Variants in KLHL20 observed in about 807,000 individuals in gnomAD.
KLHL20 encodes the protein kelch like family member 20.
KLHL20 carries 29 observed loss-of-function variants against 69.5 expected under a neutral mutation model. The ratio of observed to expected loss-of-function variants is 0.42; its 90% confidence interval spans 0.31 to 0.57. KLHL20 has a LOEUF of 0.57. Ranked by LOEUF, KLHL20 falls within the 20% of genes least tolerant of loss-of-function variation. The pLI, the probability that KLHL20 is intolerant of heterozygous loss-of-function variation, is 0.18. For missense variants in KLHL20, 419 were observed against 776.0 expected (o/e 0.54, Z 5.47); for synonymous variants, 253 against 265.2 (o/e 0.95, Z 0.45).
At chr1:173,715,707 G>A in intron 1 of KLHL20, 1 of 276,104 alleles carries the variant, frequency 3.6e-6, no homozygotes, top group Non-Finnish European at 6.9e-6. Flanking sequence ...ACTTGATGTC[G>A]AGATCACAGT....
intron 7 of KLHL20, among the ~76,000 whole-genome samples, chr1:173,759,735 C>T (rs184246918): frequency 6.6e-5 from 10 of 152,246 alleles, no homozygotes; most frequent in Middle Eastern, 6.8e-3. Context: ...AGCCTTCATC[C>T]CTAGACCTTC....
In KLHL20 at chr1:173,783,556, G is replaced by A. The variant is rs557686450; in HGVS notation, c.1745+1326G>A. Among the ~76,000 whole-genome samples, 3 of 152,196 alleles carry A rather than the reference G, an allele frequency of 2.0e-5. No individual in the cohort carries two copies. In the East Asian group the frequency reaches 5.8e-4, roughly 29 times the overall value. ...TTTGCTCCTACATCACATTTTTACA[G>A]TCCTGTTCATTAAGTAAAGATTTAT... On this transcript the variant is annotated intron_variant, in intron 11 of 11. Transcript: ENST00000209884.
intron 9 of KLHL20, 123 bp from the exon 10 acceptor site, chr1:173,775,511 A>G: frequency 1.3e-6 from 1 of 794,486 alleles, no homozygotes; most frequent in Non-Finnish European, 2.0e-6. Context: ...TCCTTCTCAG[A>G]AGCAAAAATC....
At chr1:173,724,940 T>G (rs778250933) in intron 2 of KLHL20, among the ~76,000 whole-genome samples, 33 of 152,228 alleles carry the variant, frequency 2.2e-4, no homozygotes, top group Non-Finnish European at 5.9e-5. Context: ...TAATTTCAGC[T>G]AGAAAAGTGA....
rs916362854 is a variant in KLHL20, at chr1:173,753,218, G to A, written c.762G>A (p.Leu254=). The A allele has an allele frequency of 3.7e-6, 6 of 1,612,958 alleles. No individual in the cohort carries two copies. The highest frequency in any genetic ancestry group is 5.1e-6 in the Non-Finnish European group (6 of 1,179,064). ...QERRPQLPQV[L]QHVRLPLLSP... is the part of the protein sequence containing the mutation. ...TGGTGTTTATTTTCTCATAGGTGCT[G>A]CAGCATGTTCGTTTGCCTTTGCTTA... The change falls in exon 5 of 12, where the codon CTG becomes CTA. Residue 254 remains leucine (L), a synonymous_variant. Coordinates refer to ENST00000209884, the MANE Select transcript of KLHL20 (RefSeq NM_014458.4).
chr1:173,784,268 T>C (rs1649067041), intron 11 of KLHL20, among the ~76,000 whole-genome samples: 1 of 152,160 alleles, frequency 6.6e-6, no homozygotes, highest in African/African-American at 2.4e-5. Flanking sequence ...ATTGGAAAGG[T>C]AGCATTTTAG....
chr1:173,777,408 C>CTTTT (rs1404002722), intron 10 of KLHL20, among the ~76,000 whole-genome samples: 1 of 152,076 alleles, frequency 6.6e-6, no homozygotes, highest in Non-Finnish European at 1.5e-5. Flanking sequence ...TTCTTTCTTT[C>CTTTT]TTTTGTCCCA....
rs541756498 is a variant in KLHL20 at position 173,782,058 on chromosome 1, A to G, written c.1639-66A>G. On this transcript the variant is annotated intron_variant, in intron 10 of 11. Transcript: ENST00000209884. ...CTTTTGTAAATAGATTTATCTAGAAACCAGTCTATAATTTCCTTACGATTG... is the reference window on the plus strand; with the variant it reads ...CTTTTGTAAATAGATTTATCTAGAAGCCAGTCTATAATTTCCTTACGATTG... The G allele has an allele frequency of 4.2e-5, 45 of 1,080,732 alleles. No individual in the cohort carries two copies. In the African/African-American group the frequency reaches 5.8e-4, roughly 14 times the overall value. 66.9% of individuals were successfully genotyped at this position (1,080,732 alleles called of 1,614,324 possible). A position where few individuals can be genotyped will look rare whatever the true frequency, so the allele number is the denominator to read the frequency against.
chr1:173,735,262 A>G (rs1351674495), intron 3 of KLHL20, among the ~76,000 whole-genome samples: 4 of 152,160 alleles, frequency 2.6e-5, no homozygotes, highest in Non-Finnish European at 5.9e-5. Context: ...CCTGGGCAAC[A>G]TGGCGAAACC....
intron 2 of KLHL20, among the ~76,000 whole-genome samples, chr1:173,723,821 T>C (rs1671822515): frequency 6.6e-6 from 1 of 152,144 alleles, no homozygotes; most frequent in Non-Finnish European, 1.5e-5. Flanking sequence ...AATATAACGA[T>C]CTGGAGCATG....
At position 173,757,019 on chromosome 1, in the gene KLHL20, A is replaced by G. The variant is rs751481570; in HGVS notation, c.1011A>G (p.Arg337=). The change falls in exon 7 of 12, where the codon CGA becomes CGG. Residue 337 remains arginine, a synonymous_variant. Transcript: ENST00000209884. ...CSGDAISSVE[R]YDPQTNEWRM... ...GAGATGCCATTTCCAGTGTTGAACG[A>G]TATGATCCACAGACCAATGAATGGA... The G allele has an allele frequency of 6.2e-7, 1 of 1,614,196 alleles. No individual in the cohort carries two copies. The highest frequency in any genetic ancestry group is 8.5e-7 in the Non-Finnish European group (1 of 1,180,032).
chr1:173,741,880 GA>G, intron 3 of KLHL20: 2 of 1,562,838 alleles, frequency 1.3e-6, no homozygotes, highest in Non-Finnish European at 1.7e-6. Flanking sequence ...CCTACAGGAG[GA>G]AAAGCAAGGC....
At chr1:173,741,657 T>A in intron 3 of KLHL20, 1 of 612,382 alleles carries the variant, frequency 1.6e-6, no homozygotes, top group Non-Finnish European at 2.5e-6. Flanking sequence ...CTGGTGGTGA[T>A]GACCTTCCCA....
rs1671460526 is a variant in KLHL20, at chr1:173,716,143, G to A, written c.23+77G>A. 2.9e-6 allele frequency: 4 copies of A among 1,394,996 alleles called. No individual in the cohort carries two copies. In the South Asian group the frequency reaches 4.8e-5, roughly 17 times the overall value. The allele number at this position is 1,394,996 out of a possible 1,614,324, so 86.4% of individuals were successfully genotyped here. On this transcript the variant is annotated intron_variant, in intron 2 of 11. Transcript: ENST00000209884. ...TAATAATTTAAATTTTTAAAAAAGA[G>A]TTTCAATCTTACTAAATTCTGCTTG... is the stretch of plus-strand genomic sequence containing the variant.
At position 173,755,796 on chromosome 1, in the gene KLHL20, G is replaced by A. The variant is rs139799852; in HGVS notation, c.852-127G>A. The A allele has an allele frequency of 4.2e-4, 250 of 600,612 alleles. No homozygotes were observed. The African/African-American group carries it at 4.2e-3, about 10-fold the overall frequency. 37.2% of individuals were successfully genotyped at this position (600,612 alleles called of 1,614,324 possible). On this transcript the variant is annotated intron_variant, in intron 5 of 11. Coordinates refer to ENST00000209884, the MANE Select transcript of KLHL20 (RefSeq NM_014458.4). ...GTTTGTGCCAATTTTAATATTGGCT[G>A]GCATTCATGATTTGGTTTGATTTAT...
In KLHL20 at chr1:173,733,814, G is replaced by A. The variant is rs867657239; in HGVS notation, c.125G>A (p.Arg42His). 3.7e-6 allele frequency: 6 copies of A among 1,613,956 alleles called. No homozygotes were observed. Among genetic ancestry groups the A allele is most frequent in the East Asian group, 2.2e-5 (1 of 44,898 alleles). The change falls in exon 3 of 12, where the codon CGC (arginine) becomes CAC (histidine). Residue 42 changes from arginine (R) to histidine (H), a missense_variant. Physicochemically the swap from Arg to His is conservative, Grantham distance 29. This residue lies in a region of KLHL20 where 129 missense variants were observed against 183.6 expected (regional missense o/e 0.70). Transcript: ENST00000209884. Reference sequence around the variant, plus strand: ...CCAGAAGGGGTTCCCCAACCTGCCCGCATGCCCTATATCTCAGACAAGCAC... The same window carrying A: ...CCAGAAGGGGTTCCCCAACCTGCCCACATGCCCTATATCTCAGACAAGCAC... ...KLPEGVPQPA[R>H]MPYISDKHPR...
At chr1:173,724,710 T>G (rs1261068470) in intron 2 of KLHL20, among the ~76,000 whole-genome samples, 1 of 152,080 alleles carries the variant, frequency 6.6e-6, no homozygotes, top group African/African-American at 2.4e-5. Flanking sequence ...GGGGCTGAGG[T>G]GGGAGGATCA....
intron 2 of KLHL20, among the ~76,000 whole-genome samples, chr1:173,731,574 G>T (rs1205286425): frequency 6.6e-6 from 1 of 152,088 alleles, no homozygotes; most frequent in Non-Finnish European, 1.5e-5. Flanking sequence ...GTATGGACAT[G>T]GATGAAGCTG....
chr1:173,774,231 G>C (rs1648300773), intron 8 of KLHL20, 74 bp from the exon 9 acceptor site: 2 of 1,566,050 alleles, frequency 1.3e-6, no homozygotes, highest in Non-Finnish European at 1.8e-6. Flanking sequence ...TATATCGTTA[G>C]TGTGATTTCA....
Sources: allele counts gnomAD v4.1 joint callset (sites outside exome capture counted in the v4.1 genomes callset), GRCh38; gene constraint gnomAD v4.1.1; regional missense constraint gnomAD v4.1.1; transcripts MANE v1.5; gene names NCBI Gene and HGNC (gene_info 2026-07-23, HGNC 2026-07-21).